Variants in AGBL1 observed in about 807,000 individuals in gnomAD.
AGBL1 encodes cytosolic carboxypeptidase 4.
In AGBL1, 130 loss-of-function variants were observed where a neutral mutation model predicts 118.9. The ratio of observed to expected loss-of-function variants is 1.09; its 90% confidence interval spans 0.95 to 1.26. The LOEUF (loss-of-function observed/expected upper bound fraction) is 1.26. AGBL1 is among the 50% of genes most tolerant of loss of function. The probability of loss-of-function intolerance (pLI) is 0.00; values close to 1 mark genes in which losing one functional copy is unlikely to be tolerated. For synonymous variants in AGBL1, 555 were observed against 478.9 expected, an observed-to-expected ratio of 1.16 and a Z score of -2.08; for missense variants, 1,584 against 1,298.1, an observed-to-expected ratio of 1.22 and a Z score of -3.38.
At position 86,677,255 on chromosome 15, in the gene AGBL1, C is replaced by T. The variant is rs543026129; in HGVS notation, c.3158+2819C>T. On this transcript the variant is annotated intron_variant, in intron 22 of 22. Coordinates refer to ENST00000614907, the MANE Select transcript of AGBL1 (RefSeq NM_001386094.1). ...AAGAGCAGAGGAAGAGCAGAGATAGCGGATGTTTGCCTGGTGGCTGACGCT... is the reference window on the plus strand; with the variant it reads ...AAGAGCAGAGGAAGAGCAGAGATAGTGGATGTTTGCCTGGTGGCTGACGCT... 1.2e-4 allele frequency among the ~76,000 whole-genome samples: 18 copies of T among 152,244 alleles called. No individual in the cohort carries two copies. In the South Asian group the frequency reaches 2.5e-3, roughly 21 times the overall value.
chr15:86,097,037 C>G lies in AGBL1; in HGVS notation c.51+17014C>G, dbSNP rs546662557. 1.2e-4 allele frequency among the ~76,000 whole-genome samples: 18 copies of G among 152,250 alleles called. No homozygotes were observed. In the South Asian group the frequency reaches 3.7e-3, roughly 32 times the overall value. On this transcript the variant is annotated intron_variant, in intron 1 of 22. Transcript: ENST00000614907. Reference sequence around the variant, plus strand: ...CAGACCCTGTACTGAGACGCTCAAACCTGCAGACTCACTTCTAGAATTCTA... The same window carrying G: ...CAGACCCTGTACTGAGACGCTCAAAGCTGCAGACTCACTTCTAGAATTCTA...
intron 7 of AGBL1, among the ~76,000 whole-genome samples, chr15:86,254,158 A>C (rs142642877): frequency 1.3e-5 from 2 of 152,248 alleles, no homozygotes; most frequent in Non-Finnish European, 2.9e-5. Flanking sequence ...TCTGCGTAGC[A>C]GTGACTCCTA....
At chr15:86,836,446 G>T (rs1291882464) in intron 22 of AGBL1, among the ~76,000 whole-genome samples, 1 of 152,126 alleles carries the variant, frequency 6.6e-6, no homozygotes, top group African/African-American at 2.4e-5. Context: ...ATGGATGAAA[G>T]AAATACTCCA....
In AGBL1 at chr15:86,091,781, A is replaced by AT. The variant is rs541522698; in HGVS notation, c.51+11766dup. Among the ~76,000 whole-genome samples the AT allele has an allele frequency of 3.3e-3, 501 of 151,946 alleles. 16 individuals carry two copies. The South Asian group carries it at 0.067, about 20-fold the overall frequency. ...AACTTCCAGTAAAATAAATCTCACA[A>AT]TTTTTTTTCCAATTATATATCTCTC... On this transcript the variant is annotated intron_variant, in intron 1 of 22. Transcript: ENST00000614907.
At chr15:86,523,619 T>C (rs2142202704) in intron 19 of AGBL1, among the ~76,000 whole-genome samples, 1 of 152,314 alleles carries the variant, frequency 6.6e-6, no homozygotes, top group South Asian at 2.1e-4. Flanking sequence ...TTCTGGTATC[T>C]CAGTTATTGC....
chr15:86,883,135 T>C (rs937276818), intron 22 of AGBL1, among the ~76,000 whole-genome samples: 4 of 152,238 alleles, frequency 2.6e-5, no homozygotes, highest in Non-Finnish European at 5.9e-5. Flanking sequence ...ATTTAAAACA[T>C]TGCTTCCATT....
chr15:86,156,567 T>G (rs2077193945), intron 4 of AGBL1, among the ~76,000 whole-genome samples: 1 of 152,148 alleles, frequency 6.6e-6, no homozygotes, highest in African/African-American at 2.4e-5. Context: ...GCTCATAGAC[T>G]TGGTAGATGG....
intron 18 of AGBL1, among the ~76,000 whole-genome samples, chr15:86,509,946 A>ATTTTTTTTTTTTTTTTTTT (rs71144048): frequency 7.0e-6 from 1 of 142,872 alleles, no homozygotes. Context: ...GCTGAAGCTC[A>ATTTTTTTTTTTTTTTTTTT]TTTTTTTTTT....
intron 5 of AGBL1, among the ~76,000 whole-genome samples, chr15:86,172,549 C>G (rs77319464): frequency 1.3e-5 from 2 of 152,126 alleles, no homozygotes; most frequent in East Asian, 3.9e-4. Context: ...GACTTTCATC[C>G]CCATGAGATC....
intron 22 of AGBL1, among the ~76,000 whole-genome samples, chr15:86,767,200 A>T (rs2078108418): frequency 6.6e-6 from 1 of 151,868 alleles, no homozygotes; most frequent in Non-Finnish European, 1.5e-5. Context: ...TCAGAGGTGA[A>T]CCCTGAGAAT....
chr15:86,986,576 G>T (rs1424817146), intron 23 of AGBL1, among the ~76,000 whole-genome samples: 1 of 152,138 alleles, frequency 6.6e-6, no homozygotes, highest in Non-Finnish European at 1.5e-5. Flanking sequence ...GGAAAAAGGG[G>T]AGGAAGATGT....
At chr15:86,849,360 A>G (rs2079367910) in intron 22 of AGBL1, among the ~76,000 whole-genome samples, 1 of 152,196 alleles carries the variant, frequency 6.6e-6, no homozygotes, top group Admixed American at 6.5e-5. Flanking sequence ...CATTCGGCAT[A>G]GTAAGTAGCC....
chr15:86,719,791 TCCAGGTA>T (rs2086689688), intron 22 of AGBL1, among the ~76,000 whole-genome samples: 1 of 152,224 alleles, frequency 6.6e-6, no homozygotes, highest in African/African-American at 2.4e-5. Flanking sequence ...AATTAGTCTT[TCCAGGTA>T]TTGATTTATT....
At chr15:86,625,379 GT>G in intron 21 of AGBL1, among the ~76,000 whole-genome samples, 1 of 59,444 alleles carries the variant, frequency 1.7e-5, no homozygotes, top group South Asian at 6.7e-4. Context: ...TTTTTTTTTT[GT>G]TTTTGTTTTT....
At position 86,295,445 on chromosome 15, in the gene AGBL1, C is replaced by T. The variant is rs370752924; in HGVS notation, c.2374+37C>T. ...GGGATCCTCTTCGTAGAAGATTTGA[C>T]TAAGGGTGTCCTTTATAGTCTTGGA... On this transcript the variant is annotated intron_variant, in intron 17 of 22. Transcript: ENST00000614907. 6.6e-6 allele frequency: 10 copies of T among 1,524,718 alleles called. No homozygotes were observed. In the African/African-American group the frequency reaches 1.4e-4, roughly 21 times the overall value. 94.4% of individuals were successfully genotyped at this position (1,524,718 alleles called of 1,614,324 possible).
chr15:86,809,606 T>C (rs2078761670), intron 22 of AGBL1, among the ~76,000 whole-genome samples: 1 of 152,210 alleles, frequency 6.6e-6, no homozygotes, highest in Non-Finnish European at 1.5e-5. Flanking sequence ...GGCATTGCCT[T>C]AATTCAGGAA....
At chr15:86,773,098 T>C (rs1476949316) in intron 22 of AGBL1, among the ~76,000 whole-genome samples, 1 of 152,034 alleles carries the variant, frequency 6.6e-6, no homozygotes, top group Non-Finnish European at 1.5e-5. Flanking sequence ...ATTCTTGGCT[T>C]TTTGTCCATG....
intron 23 of AGBL1, among the ~76,000 whole-genome samples, chr15:86,952,639 A>G (rs375294447): frequency 8.2e-4 from 125 of 152,106 alleles, no homozygotes; most frequent in Middle Eastern, 3.4e-3. Context: ...TAGGTTATCT[A>G]TTTACCCTGT....
intron 18 of AGBL1, among the ~76,000 whole-genome samples, chr15:86,440,416 C>T (rs137952367): frequency 1.2e-3 from 180 of 151,424 alleles, no homozygotes; most frequent in African/African-American, 4.1e-3. Context: ...GTTGAGAGTA[C>T]GATCAAGAAT....
Sources: gnomAD v4.1 joint callset for allele counts (sites outside exome capture counted in the v4.1 genomes callset) on GRCh38, gnomAD v4.1.1 for gene constraint, MANE v1.5 for transcripts, NCBI Gene and HGNC (gene_info 2026-07-23, HGNC 2026-07-21) for gene names.